FHOD3: variants seen among roughly 807,000 people sequenced by gnomAD.
FHOD3 encodes the protein formin homology 2 domain containing 3.
FHOD3 carries 90 observed loss-of-function variants against 173.0 expected under a neutral mutation model. That is an observed-to-expected ratio of 0.52 (90% CI 0.44 to 0.62). The LOEUF is 0.62. Among genes scored for constraint, FHOD3 ranks in the 20% least tolerant of loss-of-function variants. The pLI, the probability that FHOD3 is intolerant of heterozygous loss-of-function variation, is 0.00. For missense variants in FHOD3, 1,945 were observed against 2,034.7 expected (o/e 0.96, Z 0.85); for synonymous variants, 828 against 823.0 (o/e 1.01, Z -0.10).
intron 3 of FHOD3, among the ~76,000 whole-genome samples, chr18:36,450,471 A>G (rs1031911844): frequency 3.3e-5 from 4 of 122,236 alleles, no homozygotes; most frequent in African/African-American, 2.1e-4. Flanking sequence ...TTATTTATTT[A>G]TTTATTTATT....
At chr18:36,317,758 T>C (rs2044199898) in intron 1 of FHOD3, among the ~76,000 whole-genome samples, 1 of 152,262 alleles carries the variant, frequency 6.6e-6, no homozygotes, top group Non-Finnish European at 1.5e-5. Flanking sequence ...ATTTTGGCTT[T>C]TGTTGCCATT....
rs575924620 is a variant in FHOD3 at position 36,513,592 on chromosome 18, G to T, written c.511+1049G>T. On this transcript the variant is annotated intron_variant, in intron 5 of 28. Transcript: ENST00000590592. ...AAGTATGATTTAATATCAGATGTCTGTGTTTGGAGTTGAATGAGACAAGCA... is the reference window on the plus strand; with the variant it reads ...AAGTATGATTTAATATCAGATGTCTTTGTTTGGAGTTGAATGAGACAAGCA... Among the ~76,000 whole-genome samples, 419 of 152,240 alleles carry T rather than the reference G, an allele frequency of 2.8e-3. 1 individual carries two copies. The highest frequency in any genetic ancestry group is 4.4e-3 in the Non-Finnish European group (299 of 68,008).
intron 18 of FHOD3, among the ~76,000 whole-genome samples, chr18:36,716,007 TTGG>T (rs1173273959): frequency 6.6e-6 from 1 of 152,124 alleles, no homozygotes; most frequent in Non-Finnish European, 1.5e-5. Flanking sequence ...TCAGGGAGTG[TTGG>T]TGGTGGTGTG....
chr18:36,566,681 A>G (rs1368921184), intron 5 of FHOD3, among the ~76,000 whole-genome samples: 1 of 152,134 alleles, frequency 6.6e-6, no homozygotes, highest in South Asian at 2.1e-4. Context: ...ACCAGCCAGG[A>G]CCCGCAGTTG....
At chr18:36,551,108 G>C (rs1047241842) in intron 5 of FHOD3, among the ~76,000 whole-genome samples, 51 of 152,136 alleles carry the variant, frequency 3.4e-4, no homozygotes, top group African/African-American at 1.2e-3. Context: ...TGTTTGCTGA[G>C]AACAGGAATG....
At chr18:36,386,470 T>C (rs1282762584) in intron 3 of FHOD3, among the ~76,000 whole-genome samples, 2 of 152,170 alleles carry the variant, frequency 1.3e-5, no homozygotes, top group African/African-American at 4.8e-5. Context: ...AACGAGCAAT[T>C]TCCGTGCCCG....
chr18:36,420,379 C>T (rs1022406679), intron 3 of FHOD3, among the ~76,000 whole-genome samples: 7 of 152,254 alleles, frequency 4.6e-5, no homozygotes, highest in Admixed American at 4.6e-4. Flanking sequence ...CTGAGCCAAT[C>T]TGCAGTCTCC....
rs1845281562 is a variant in FHOD3 at position 36,517,214 on chromosome 18, A to AT, written c.511+4674dup. Among the ~76,000 whole-genome samples the AT allele has an allele frequency of 5.3e-5, 8 of 152,122 alleles. No individual in the cohort carries two copies. In the South Asian group the frequency reaches 1.7e-3, roughly 31 times the overall value. On this transcript the variant is annotated intron_variant, in intron 5 of 28. Coordinates refer to ENST00000590592, the MANE Select transcript of FHOD3 (RefSeq NM_001281740.3). ...CTAAAGTTTTTTTGGGATAGCCAGT[A>AT]TTTAATTTAAGTGTACTGTGAAATT... is the stretch of plus-strand genomic sequence containing the variant.
At chr18:36,693,020 G>A (rs1370296096) in intron 16 of FHOD3, 189 bp from the exon 17 acceptor site, 24 of 616,384 alleles carry the variant, frequency 3.9e-5, no homozygotes, top group East Asian at 5.5e-5. Context: ...TATGAGTGAC[G>A]TGGGATTTTT....
At chr18:36,714,099 CAG>C (rs1193937565) in intron 18 of FHOD3, among the ~76,000 whole-genome samples, 1 of 151,934 alleles carries the variant, frequency 6.6e-6, no homozygotes, top group Non-Finnish European at 1.5e-5. Context: ...AAAATTAAAT[CAG>C]AGAAAAGCAG....
At chr18:36,601,218 A>T (rs1314232803) in intron 7 of FHOD3, among the ~76,000 whole-genome samples, 1 of 152,222 alleles carries the variant, frequency 6.6e-6, no homozygotes, top group Admixed American at 6.5e-5. Flanking sequence ...GTCATAGAAG[A>T]TTGCCCAGTT....
intron 3 of FHOD3, among the ~76,000 whole-genome samples, chr18:36,416,906 G>A (rs1295826124): frequency 1.3e-5 from 2 of 152,090 alleles, no homozygotes; most frequent in African/African-American, 2.4e-5. Flanking sequence ...CAAAGCCAGA[G>A]GCATCTATTT....
intron 5 of FHOD3, among the ~76,000 whole-genome samples, chr18:36,564,139 C>T (rs530448873): frequency 4.2e-4 from 64 of 152,262 alleles, no homozygotes; most frequent in African/African-American, 1.5e-3. Context: ...GACAGTCCAG[C>T]CACTGCTGAC....
intron 5 of FHOD3, among the ~76,000 whole-genome samples, chr18:36,565,957 T>A (rs1291603491): frequency 6.6e-6 from 1 of 152,220 alleles, no homozygotes; most frequent in East Asian, 1.9e-4. Flanking sequence ...AATAATGCTT[T>A]AAAAAACTGC....
intron 27 of FHOD3, among the ~76,000 whole-genome samples, chr18:36,761,903 G>A (rs892973546): frequency 1.4e-4 from 22 of 152,284 alleles, no homozygotes; most frequent in African/African-American, 5.3e-4. Context: ...GGGAGAGCAA[G>A]TAAAACAGCA....
chr18:36,647,126 C>T (rs1347405894), intron 10 of FHOD3, among the ~76,000 whole-genome samples: 1 of 152,102 alleles, frequency 6.6e-6, no homozygotes, highest in Non-Finnish European at 1.5e-5. Flanking sequence ...CCTGTAATCC[C>T]AGCTACTTGG....
chr18:36,651,620 C>T (rs556753636), intron 11 of FHOD3, among the ~76,000 whole-genome samples: 150 of 152,044 alleles, frequency 9.9e-4, no homozygotes, highest in African/African-American at 3.5e-3. Context: ...GGTGTGGTAT[C>T]GCATGCCTGT....
At chr18:36,477,089 C>T (rs1012657152) in intron 3 of FHOD3, among the ~76,000 whole-genome samples, 3 of 152,042 alleles carry the variant, frequency 2.0e-5, no homozygotes, top group Admixed American at 2.0e-4. Flanking sequence ...ATGGCAGGTC[C>T]TTGAAGGTGT....
At chr18:36,399,989 T>C (rs1345759993) in intron 3 of FHOD3, among the ~76,000 whole-genome samples, 1 of 152,264 alleles carries the variant, frequency 6.6e-6, no homozygotes, top group East Asian at 1.9e-4. Context: ...AAAATAAAAA[T>C]GTAAGAATGT....
Sources: allele counts gnomAD v4.1 joint callset (sites outside exome capture counted in the v4.1 genomes callset), GRCh38; gene constraint gnomAD v4.1.1; transcripts MANE v1.5; gene names NCBI Gene and HGNC (gene_info 2026-07-23, HGNC 2026-07-21).